The following SLC11A1 variants were observed in gnomAD, a reference collection of about 807,000 sequenced individuals.
The protein encoded by SLC11A1 is natural resistance-associated macrophage protein 1.
In SLC11A1, 59 loss-of-function variants were observed where a neutral mutation model predicts 63.2. That is an observed-to-expected ratio of 0.93 (90% CI 0.76 to 1.16). The LOEUF (loss-of-function observed/expected upper bound fraction) is 1.16. Ranked by LOEUF, SLC11A1 falls within the 50% of genes most tolerant of loss-of-function variation. SLC11A1 has a pLI of 0.00. For missense variants in SLC11A1, 688 were observed against 730.7 expected (o/e 0.94, Z 0.67); for synonymous variants, 305 against 307.8 (o/e 0.99, Z 0.09).
chr2:218,382,990 C>T lies in SLC11A1; in HGVS notation c.38C>T (p.Ser13Phe). 6.2e-7 allele frequency: 1 copy of T among 1,614,094 alleles called. No individual in the cohort carries two copies. Among genetic ancestry groups the T allele is most frequent in the Non-Finnish European group, 8.5e-7 (1 of 1,180,024 alleles). The change falls in exon 2 of 15, where the codon TCC (serine) becomes TTC (phenylalanine). Residue 13 changes from serine to phenylalanine, a missense_variant. Transcript: ENST00000233202. ...AAGGGTCCCCAAAGGCTAAGCGGGT[C>T]CAGCTATGGTTCCATCTCCAGCCCG... The part of the protein sequence containing the change: ...GDKGPQRLSG[S>F]SYGSISSPTS...
chr2:218,393,151 C>T (rs1484947634), intron 12 of SLC11A1, 21 bp downstream of exon 12: 2 of 1,532,130 alleles, frequency 1.3e-6, no homozygotes, highest in African/African-American at 1.4e-5. Flanking sequence ...CCAACCCCAC[C>T]AGCCCTGCCC....
chr2:218,386,401 G>A (rs1015449255), intron 4 of SLC11A1, among the ~76,000 whole-genome samples: 5 of 151,140 alleles, frequency 3.3e-5, no homozygotes, highest in African/African-American at 9.8e-5. Flanking sequence ...GTGGTGAGCC[G>A]AGATCATGCC....
At chr2:218,382,829 G>A (rs1275597244) in intron 1 of SLC11A1, 131 bp from the exon 2 acceptor site, 1 of 1,081,184 alleles carries the variant, frequency 9.2e-7, no homozygotes, top group South Asian at 1.4e-5. Flanking sequence ...GGAGGTGATG[G>A]ACCCAAGATG....
rs201049673 is a variant in SLC11A1 at position 218,383,140 on chromosome 2, G to T, written c.150+38G>T. The T allele has an allele frequency of 4.6e-5, 74 of 1,608,238 alleles. No homozygotes were observed. The African/African-American group carries it at 7.9e-4, about 17-fold the overall frequency. On this transcript the variant is annotated intron_variant, in intron 2 of 14. Coordinates refer to ENST00000233202, the MANE Select transcript of SLC11A1 (RefSeq NM_000578.4). Reference sequence around the variant, plus strand: ...AAACTTCCTGGGGGCTTGCAAGATTGACAGGATCCTGAAGGATCCCATGGG... The same window carrying T: ...AAACTTCCTGGGGGCTTGCAAGATTTACAGGATCCTGAAGGATCCCATGGG...
chr2:218,385,950 T>C (rs1178962430), intron 4 of SLC11A1, among the ~76,000 whole-genome samples: 1 of 152,056 alleles, frequency 6.6e-6, no homozygotes, highest in Non-Finnish European at 1.5e-5. Flanking sequence ...AATGCAGGGA[T>C]TGAAAGGTTT....
At chr2:218,387,698 C>A in intron 7 of SLC11A1, 66 bp downstream of exon 7, 2 of 1,612,104 alleles carry the variant, frequency 1.2e-6, no homozygotes, top group Admixed American at 3.3e-5. Flanking sequence ...TTCCCTCTGG[C>A]CGCGGGCTGC....
chr2:218,382,639 G>A (rs1374741944), intron 1 of SLC11A1, among the ~76,000 whole-genome samples: 1 of 152,212 alleles, frequency 6.6e-6, no homozygotes, highest in Non-Finnish European at 1.5e-5. Flanking sequence ...GGCTGCCGGA[G>A]AAGGTGAGGG....
In SLC11A1 at chr2:218,389,865, C is replaced by G. The variant is rs374719609; in HGVS notation, c.796-5C>G. On this transcript the variant is annotated splice_region_variant and splice_polypyrimidine_tract_variant and intron_variant, in intron 8 of 14. Coordinates refer to ENST00000233202, the MANE Select transcript of SLC11A1 (RefSeq NM_000578.4). ...GGCACTTCCCTCTCCCTTTGATCTT[C>G]GTAGTCTCGAGAGATAGACCGGGCC... 2 of 1,604,526 alleles carry G rather than the reference C, an allele frequency of 1.2e-6. No homozygotes were observed. Among genetic ancestry groups the G allele is most frequent in the South Asian group, 1.1e-5 (1 of 89,582 alleles).
intron 8 of SLC11A1, among the ~76,000 whole-genome samples, chr2:218,388,673 G>A (rs868469603): frequency 8.6e-5 from 13 of 152,012 alleles, no homozygotes; most frequent in Admixed American, 1.3e-4. Flanking sequence ...GTGGTGGCGC[G>A]TGCCTGTAAT....
rs17215542 is a variant in SLC11A1, at chr2:218,384,376, C to G, written c.273+11C>G. Reference sequence around the variant, plus strand: ...GTGGCGGGATTCAAAGTAACTAAGTCGGGACCTGAGTGGGGACACTTTCGA... The same window carrying G: ...GTGGCGGGATTCAAAGTAACTAAGTGGGGACCTGAGTGGGGACACTTTCGA... On this transcript the variant is annotated intron_variant, in intron 3 of 14. Transcript: ENST00000233202. This position sits in a 1 kb window ranked among gnomAD's most constrained non-coding sequence, Gnocchi z 4.0. 5.4e-5 allele frequency: 86 copies of G among 1,594,976 alleles called. No homozygotes were observed. Among genetic ancestry groups the G allele is most frequent in the Non-Finnish European group, 7.1e-5 (83 of 1,166,536 alleles).
At position 218,384,341 on chromosome 2, in the gene SLC11A1, G is replaced by T. The variant is rs775673455; in HGVS notation, c.249G>T (p.Gln83His). The T allele has an allele frequency of 6.8e-6, 11 of 1,606,336 alleles. No homozygotes were observed. In the South Asian group the frequency reaches 1.1e-4, roughly 16 times the overall value. Residue 83 changes from glutamine (Q) to histidine (H), a missense_variant, in exon 3 of 15, where the codon CAG (glutamine) becomes CAT (histidine). Physicochemically the swap from Gln to His is conservative, Grantham distance 24. Coordinates refer to ENST00000233202, the MANE Select transcript of SLC11A1 (RefSeq NM_000578.4). The surrounding 1 kb of genome is among the most constrained non-coding windows in gnomAD (Gnocchi z 4.0). ...LDPGNIESDL[Q>H]AGAVAGFKLL... ...CAGGAAACATCGAGTCAGATCTTCA[G>T]GCTGGCGCCGTGGCGGGATTCAAAG...
chr2:218,396,272 C>A lies in SLC11A1; in HGVS notation c.*1237C>A, dbSNP rs1247699852. On this transcript the variant is annotated 3_prime_UTR_variant, in exon 15 of 15. Coordinates refer to ENST00000233202, the MANE Select transcript of SLC11A1 (RefSeq NM_000578.4). ...TCTGCCTTAGGGAGCGGCTGGGCAC[C>A]CATTCGCCCCATTCAGGGGCTGCAC... The A allele has an allele frequency of 1.3e-5, 2 of 152,336 alleles. No individual in the cohort carries two copies. Among genetic ancestry groups the A allele is most frequent in the Non-Finnish European group, 2.9e-5 (2 of 68,072 alleles). 9.4% of individuals were successfully genotyped at this position (152,336 alleles called of 1,614,324 possible). A position where few individuals can be genotyped will look rare whatever the true frequency, so the allele number is the denominator to read the frequency against.
At chr2:218,390,170 A>G (rs1696347322) in intron 9 of SLC11A1, 142 bp downstream of exon 9, 5 of 871,166 alleles carry the variant, frequency 5.7e-6, no homozygotes, top group East Asian at 2.6e-5. Flanking sequence ...TCATTCATTC[A>G]GCAAATAATC....
chr2:218,383,397 G>C, intron 2 of SLC11A1: 1 of 359,296 alleles, frequency 2.8e-6, no homozygotes, highest in African/African-American at 2.1e-5. Flanking sequence ...ACATGTTATA[G>C]CATTTAGGAA....
At position 218,388,146 on chromosome 2, in the gene SLC11A1, G is replaced by A. The variant is rs1696218642; in HGVS notation, c.795+191G>A. 6 of 629,184 alleles carry A rather than the reference G, an allele frequency of 9.5e-6. No individual in the cohort carries two copies. In the South Asian group the frequency reaches 1.3e-4, roughly 13 times the overall value. The allele number at this position is 629,184 out of a possible 1,614,324, so 39.0% of individuals were successfully genotyped here. On this transcript the variant is annotated intron_variant, in intron 8 of 14. Transcript: ENST00000233202. Reference sequence around the variant, plus strand: ...GCACTTTGGGAGGCGGAGGCGGGCGGATCACGAGGTCAAGAGATCGACACC... The same window carrying A: ...GCACTTTGGGAGGCGGAGGCGGGCGAATCACGAGGTCAAGAGATCGACACC...
At chr2:218,391,958 G>T (rs1167323545) in intron 11 of SLC11A1, among the ~76,000 whole-genome samples, 2 of 152,084 alleles carry the variant, frequency 1.3e-5, no homozygotes, top group Non-Finnish European at 2.9e-5. Context: ...CAGTTTTGCT[G>T]TGTTGGCCAG....
At chr2:218,383,233 A>G in intron 2 of SLC11A1, 131 bp downstream of exon 2, 1 of 974,530 alleles carries the variant, frequency 1.0e-6, no homozygotes, top group Non-Finnish European at 1.5e-6. Context: ...GCAGTGGTGG[A>G]CAGTGGCAAC....
intron 2 of SLC11A1, chr2:218,383,563 T>G (rs1452389495): frequency 6.6e-6 from 1 of 152,610 alleles, no homozygotes; most frequent in African/African-American, 2.4e-5. Context: ...CACTGCAACC[T>G]CCGCTTCCCA....
intron 9 of SLC11A1, among the ~76,000 whole-genome samples, chr2:218,390,944 G>A (rs746517721): frequency 3.3e-5 from 5 of 152,178 alleles, no homozygotes; most frequent in Non-Finnish European, 5.9e-5. Flanking sequence ...CACTTTGGGA[G>A]GCTGAGGCAG....
Sources: gnomAD v4.1 joint callset for allele counts (sites outside exome capture counted in the v4.1 genomes callset) on GRCh38, gnomAD v4.1.1 for gene constraint, Gnocchi (gnomAD v3.1) non-coding constraint, MANE v1.5 for transcripts, NCBI Gene and HGNC (gene_info 2026-07-23, HGNC 2026-07-21) for gene names.